The following FAM83A variants were observed in gnomAD, a reference collection of about 807,000 sequenced individuals.
FAM83A encodes scaffolding CK1 anchoring protein A, also known as protein FAM83A.
Under a neutral mutation model 24.4 loss-of-function variants are expected in FAM83A, and 21 were observed. The ratio of observed to expected loss-of-function variants is 0.86; its 90% confidence interval spans 0.61 to 1.24. The LOEUF (loss-of-function observed/expected upper bound fraction) is 1.24. FAM83A is among the 50% of genes most tolerant of loss of function. The probability of loss-of-function intolerance (pLI) is 0.00; values close to 1 mark genes in which losing one functional copy is unlikely to be tolerated. For missense variants in FAM83A, 617 were observed against 579.8 expected (o/e 1.06, Z -0.66); for synonymous variants, 270 against 252.4 (o/e 1.07, Z -0.66).
chr8:123,192,094 C>A, intron 2 of FAM83A, 124 bp downstream of exon 2: 2 of 1,078,012 alleles, frequency 1.9e-6, no homozygotes, highest in Non-Finnish European at 2.7e-6. Context: ...TCATTTCTTG[C>A]TCAAACAAAC....
chr8:123,182,720 C>A lies in FAM83A; in HGVS notation c.-137C>A. On this transcript the variant is annotated 5_prime_UTR_variant, in exon 1 of 4. In the 5' UTR this introduces an upstream ATG that the reference lacks. Coordinates refer to ENST00000690554, the Ensembl canonical transcript of FAM83A. The stretch of plus-strand genomic sequence containing the variant: ...CGGTAAATCACTTCTTGGAGGTGCC[C>A]TGCACGCCGGTCCTGGGAGCAGGCG... 7.6e-7 allele frequency: 1 copy of A among 1,310,392 alleles called. No individual in the cohort carries two copies. Among genetic ancestry groups the A allele is most frequent in the Non-Finnish European group, 1.1e-6 (1 of 940,030 alleles). The allele number at this position is 1,310,392 out of a possible 1,614,324, so 81.2% of individuals were successfully genotyped here. A position where few individuals can be genotyped will look rare whatever the true frequency, so the allele number is the denominator to read the frequency against.
intron 3 of FAM83A, among the ~76,000 whole-genome samples, chr8:123,197,634 C>G (rs771500897): frequency 1.3e-5 from 2 of 152,188 alleles, no homozygotes; most frequent in East Asian, 1.9e-4. Flanking sequence ...ATTCTTGCAG[C>G]GCTCTTGACA....
At chr8:123,192,459 C>T (rs1204623100) in intron 2 of FAM83A, among the ~76,000 whole-genome samples, 1 of 152,164 alleles carries the variant, frequency 6.6e-6, no homozygotes, top group African/African-American at 2.4e-5. Context: ...AGACATTGAT[C>T]CTCTTGGACT....
chr8:123,192,482 G>A (rs558472121), intron 2 of FAM83A, among the ~76,000 whole-genome samples: 7 of 152,252 alleles, frequency 4.6e-5, no homozygotes, highest in Non-Finnish European at 8.8e-5. Context: ...ACTGAACCCC[G>A]TACTTCCCTC....
exon 2 of FAM83A, chr8:123,191,912 G>T (rs758325895): frequency 1.2e-6 from 2 of 1,614,190 alleles, no homozygotes; most frequent in East Asian, 4.5e-5. Flanking sequence ...GACCAGGGAG[G>T]TGTGAAGCTC....
chr8:123,193,569 A>C (rs975425422), intron 2 of FAM83A, among the ~76,000 whole-genome samples: 10 of 152,194 alleles, frequency 6.6e-5, no homozygotes, highest in Non-Finnish European at 4.4e-5. Flanking sequence ...TTCCATCTTG[A>C]TGAACATTCT....
exon 2 of FAM83A, chr8:123,191,882 T>C (rs1586779687): frequency 6.2e-7 from 1 of 1,613,894 alleles, no homozygotes; most frequent in Admixed American, 1.7e-5. Flanking sequence ...AAGCGTGGGG[T>C]GTTCGTTTGT....
At chr8:123,185,086 C>A (rs1297829191) in intron 1 of FAM83A, among the ~76,000 whole-genome samples, 2 of 152,172 alleles carry the variant, frequency 1.3e-5, no homozygotes, top group Non-Finnish European at 2.9e-5. Flanking sequence ...AGCAGTATTT[C>A]ATGTTTCTGT....
At chr8:123,200,743 C>T (rs1429540167) in intron 3 of FAM83A, among the ~76,000 whole-genome samples, 1 of 152,080 alleles carries the variant, frequency 6.6e-6, no homozygotes, top group African/African-American at 2.4e-5. Context: ...CACCTGAGGT[C>T]AGGAGTTCGA....
intron 3 of FAM83A, among the ~76,000 whole-genome samples, chr8:123,198,385 G>A (rs1042304512): frequency 6.6e-6 from 1 of 151,574 alleles, no homozygotes; most frequent in African/African-American, 2.4e-5. Context: ...AAACAAAGAT[G>A]TAAAGATAAA....
rs776543418 is a variant in FAM83A at position 123,183,137 on chromosome 8, GA to G, written c.282del (p.Leu95TrpfsTer35). On this transcript the variant is annotated frameshift_variant, in exon 1 of 4. Coordinates refer to ENST00000690554, the Ensembl canonical transcript of FAM83A. LOFTEE classifies it high-confidence loss of function. ...GGAGGGGCGGAAGCAGGCCCTAAGG[GA>G]CTGGACTCCAGCTCCCTACAGTCCG... is the stretch of plus-strand genomic sequence containing the variant. The G allele has an allele frequency of 1.2e-6, 2 of 1,613,878 alleles. No homozygotes were observed. The highest frequency in any genetic ancestry group is 8.5e-7 in the Non-Finnish European group (1 of 1,179,998).
At chr8:123,182,661 G>A (rs1186345891), upstream of FAM83A, 2 of 856,892 alleles carry the variant, frequency 2.3e-6, no homozygotes, top group Non-Finnish European at 3.8e-6. Flanking sequence ...CGCAGCTGCA[G>A]ATGAGGAGTT....
At chr8:123,207,854 C>G in exon 4 of FAM83A, 1 of 1,384,190 alleles carries the variant, frequency 7.2e-7, no homozygotes, top group Non-Finnish European at 9.3e-7. Context: ...CACTTGCCGG[C>G]CCCCACCAGT....
At chr8:123,204,320 CATAAGTGCTTACT>C (rs1233198353) in intron 3 of FAM83A, among the ~76,000 whole-genome samples, 2 of 152,082 alleles carry the variant, frequency 1.3e-5, no homozygotes, top group Non-Finnish European at 2.9e-5. Flanking sequence ...GTAGTGGGTT[CATAAGTGCTTACT>C]ATATTACTTA....
At chr8:123,182,184 G>A (rs1823614067), upstream of FAM83A, 8 of 450,876 alleles carry the variant, frequency 1.8e-5, no homozygotes, top group South Asian at 6.2e-5. Context: ...ACACTTGAGA[G>A]GGCATGGGAG....
intron 3 of FAM83A, among the ~76,000 whole-genome samples, chr8:123,194,898 C>A (rs1440066597): frequency 6.6e-6 from 1 of 152,174 alleles, no homozygotes; most frequent in East Asian, 1.9e-4. Flanking sequence ...TGTGTTTAGA[C>A]CCTCACACAT....
At chr8:123,208,701 A>G in exon 4 of FAM83A, 1 of 985,476 alleles carries the variant, frequency 1.0e-6, no homozygotes, top group Non-Finnish European at 1.2e-6. Context: ...ATGCTTAGAA[A>G]GCATACAGGA....
chr8:123,194,211 A>T, intron 3 of FAM83A, 63 bp downstream of exon 3: 1 of 1,596,604 alleles, frequency 6.3e-7, no homozygotes, highest in East Asian at 2.3e-5. Flanking sequence ...TGAGGTGCAG[A>T]CCAGCTCCCG....
chr8:123,184,437 T>C (rs912415177), intron 1 of FAM83A, among the ~76,000 whole-genome samples: 1 of 151,842 alleles, frequency 6.6e-6, no homozygotes, highest in Non-Finnish European at 1.5e-5. Context: ...GAAGATGGAG[T>C]AGGCAGCAGA....
Sources: gnomAD v4.1 joint callset for allele counts (sites outside exome capture counted in the v4.1 genomes callset) on GRCh38, gnomAD v4.1.1 for gene constraint, MANE v1.5 for transcripts, NCBI Gene and HGNC (gene_info 2026-07-23, HGNC 2026-07-21) for gene names.